The following DIPK1A variants were observed in gnomAD, a reference collection of about 807,000 sequenced individuals.
DIPK1A encodes the protein divergent protein kinase domain 1A.
Under a neutral mutation model 40.8 loss-of-function variants are expected in DIPK1A, and 27 were observed. That is an observed-to-expected ratio of 0.66 (90% confidence interval 0.49 to 0.91). DIPK1A has a LOEUF of 0.91. Ranked by LOEUF, DIPK1A falls within the 40% of genes least tolerant of loss-of-function variation. The probability of loss-of-function intolerance (pLI) is 0.00; values close to 1 mark genes in which losing one functional copy is unlikely to be tolerated. For missense variants in DIPK1A, 412 were observed against 505.7 expected, an observed-to-expected ratio of 0.81 and a Z score of 1.78; for synonymous variants, 166 against 171.3, an observed-to-expected ratio of 0.97 and a Z score of 0.24.
intron 2 of DIPK1A, among the ~76,000 whole-genome samples, chr1:92,866,118 T>C (rs1647523374): frequency 6.6e-6 from 1 of 152,214 alleles, no homozygotes. Context: ...TGTTTGTTTT[T>C]TGAGACAGAG....
In DIPK1A at chr1:92,948,503, C is replaced by T. The variant is rs1043942661; in HGVS notation, c.54+12873G>A. On this transcript the variant is annotated intron_variant, in intron 1 of 4. Coordinates refer to ENST00000370310, the MANE Select transcript of DIPK1A (RefSeq NM_001006605.5). ...CTCATTATGTTGCCCAGGCTGGTCT[C>T]GAACTCTTGAGCTCAAGTGATCCTC... is the stretch of plus-strand genomic sequence containing the variant. Among the ~76,000 whole-genome samples the T allele has an allele frequency of 5.3e-5, 8 of 149,876 alleles. No homozygotes were observed. In the East Asian group the frequency reaches 5.9e-4, roughly 11 times the overall value.
chr1:92,838,999 G>A (rs1398838971), downstream of DIPK1A, among the ~76,000 whole-genome samples: 1 of 149,502 alleles, frequency 6.7e-6, no homozygotes, highest in Non-Finnish European at 1.5e-5. Flanking sequence ...TCTGTAGTGG[G>A]CTATAATTAT....
At chr1:92,890,419 T>A (rs1277639517) in intron 1 of DIPK1A, among the ~76,000 whole-genome samples, 2 of 152,212 alleles carry the variant, frequency 1.3e-5, no homozygotes, top group African/African-American at 4.8e-5. Context: ...AGCTTTCAGC[T>A]TTTCCTTGTT....
chr1:92,937,486 TAC>T (rs1359335009), intron 1 of DIPK1A, among the ~76,000 whole-genome samples: 1 of 152,214 alleles, frequency 6.6e-6, no homozygotes, highest in African/African-American at 2.4e-5. Flanking sequence ...CTTTATTTTT[TAC>T]AGACTAAATG....
intron 2 of DIPK1A, among the ~76,000 whole-genome samples, chr1:92,860,684 T>C (rs1305026615): frequency 1.4e-5 from 2 of 145,860 alleles, no homozygotes; most frequent in East Asian, 2.0e-4. Context: ...CTGGGGTGGC[T>C]GAGACAGGAG....
downstream of DIPK1A, chr1:92,837,417 A>G (rs1687173474): frequency 1.3e-6 from 2 of 1,550,844 alleles, no homozygotes; most frequent in Admixed American, 3.3e-5. Context: ...AAACTAAGTT[A>G]AGTGAGTCTA....
intron 1 of DIPK1A, among the ~76,000 whole-genome samples, chr1:92,929,427 T>C (rs931886099): frequency 1.3e-5 from 2 of 152,160 alleles, no homozygotes; most frequent in Non-Finnish European, 2.9e-5. Flanking sequence ...ATGAAGGAAT[T>C]GGGTGGATGT....
intron 1 of DIPK1A, among the ~76,000 whole-genome samples, chr1:92,948,380 C>T (rs969832369): frequency 6.6e-6 from 1 of 151,706 alleles, no homozygotes; most frequent in Non-Finnish European, 1.5e-5. Flanking sequence ...CACATTGTAC[C>T]CCATAAATAT....
At chr1:92,957,499 G>A (rs1333830840) in intron 1 of DIPK1A, among the ~76,000 whole-genome samples, 1 of 152,220 alleles carries the variant, frequency 6.6e-6, no homozygotes, top group African/African-American at 2.4e-5. Flanking sequence ...GCCTTGCCAT[G>A]AGAAGCTTGT....
At chr1:92,837,868 T>C, downstream of DIPK1A, 1 of 529,838 alleles carries the variant, frequency 1.9e-6, no homozygotes, top group Non-Finnish European at 3.4e-6. Flanking sequence ...GTCATTTCTG[T>C]AATCATAGTT....
intron 4 of DIPK1A, chr1:92,834,699 T>A: frequency 1.3e-6 from 2 of 1,579,696 alleles, no homozygotes; most frequent in Non-Finnish European, 8.7e-7. Flanking sequence ...CAATGTTTTT[T>A]TATTCCCTTG....
At position 92,927,824 on chromosome 1, in the gene DIPK1A, A is replaced by G. The variant is rs137974468; in HGVS notation, c.54+33552T>C. Among the ~76,000 whole-genome samples the G allele has an allele frequency of 2.4e-4, 36 of 152,312 alleles. 1 individual carries two copies. In the East Asian group the frequency reaches 5.6e-3, roughly 24 times the overall value. ...TTATTGCTGAACAATATCCCACTGT[A>G]TGGATATACCACATTTTATTTTTCC... is the stretch of plus-strand genomic sequence containing the variant. On this transcript the variant is annotated intron_variant, in intron 1 of 4. Coordinates refer to ENST00000370310, the MANE Select transcript of DIPK1A (RefSeq NM_001006605.5).
downstream of DIPK1A, chr1:92,840,746 G>C: frequency 1.2e-6 from 1 of 853,918 alleles, no homozygotes; most frequent in Non-Finnish European, 2.0e-6. Context: ...AGCTCTGCGT[G>C]ATGTGGCAGA....
chr1:92,899,200 A>G (rs1467662978), intron 1 of DIPK1A, among the ~76,000 whole-genome samples: 1 of 152,166 alleles, frequency 6.6e-6, no homozygotes, highest in Non-Finnish European at 1.5e-5. Flanking sequence ...ATCAAATAAG[A>G]TATGCTTTAT....
At chr1:92,934,503 A>G (rs1650876123) in intron 1 of DIPK1A, among the ~76,000 whole-genome samples, 1 of 152,210 alleles carries the variant, frequency 6.6e-6, no homozygotes, top group African/African-American at 2.4e-5. Context: ...AAAAGCTAAA[A>G]TGACAAATCT....
intron 4 of DIPK1A, among the ~76,000 whole-genome samples, chr1:92,834,504 C>A (rs1043183947): frequency 1.3e-5 from 2 of 152,180 alleles, no homozygotes; most frequent in Non-Finnish European, 2.9e-5. Flanking sequence ...GCATTGTCTT[C>A]CTCCGTACCC....
chr1:92,853,638 T>C (rs1687892902), intron 2 of DIPK1A, among the ~76,000 whole-genome samples: 1 of 152,356 alleles, frequency 6.6e-6, no homozygotes, highest in African/African-American at 2.4e-5. Flanking sequence ...AGACCACCTG[T>C]GACTTTAAAA....
At chr1:92,899,115 G>A (rs1649305764) in intron 1 of DIPK1A, among the ~76,000 whole-genome samples, 1 of 152,098 alleles carries the variant, frequency 6.6e-6, no homozygotes, top group Non-Finnish European at 1.5e-5. Flanking sequence ...CTGTCTAGAT[G>A]ATCTATCCAA....
At chr1:92,851,558 A>AAAAAAAAAC (rs1227753421) in intron 2 of DIPK1A, among the ~76,000 whole-genome samples, 2 of 94,352 alleles carry the variant, frequency 2.1e-5, no homozygotes, top group Non-Finnish European at 4.6e-5. Flanking sequence ...AAAAAAAAAA[A>AAAAAAAAAC]AAAACTTCTG....
Sources: allele counts gnomAD v4.1 joint callset (sites outside exome capture counted in the v4.1 genomes callset), GRCh38; gene constraint gnomAD v4.1.1; transcripts MANE v1.5; gene names NCBI Gene and HGNC (gene_info 2026-07-23, HGNC 2026-07-21).